Variants in ATP2C2 observed in about 807,000 individuals in gnomAD.
ATP2C2 encodes calcium-transporting ATPase type 2C member 2.
A neutral mutation model predicts 110.8 loss-of-function variants in ATP2C2; 171 were observed. The ratio of observed to expected loss-of-function variants is 1.54; its 90% CI spans 1.36 to 1.75. ATP2C2 has a LOEUF of 1.75. Ranked by LOEUF, ATP2C2 falls within the 40% of genes most tolerant of loss-of-function variation. ATP2C2 has a pLI of 0.00. For missense variants in ATP2C2, 1,963 were observed against 1,235.0 expected (o/e 1.59, Z -8.84); for synonymous variants, 804 against 508.4 (o/e 1.58, Z -7.82).
intron 23 of ATP2C2, chr16:84,460,349 G>A (rs77444095): frequency 1.4e-4 from 44 of 322,258 alleles, no homozygotes; most frequent in African/African-American, 6.4e-4. Flanking sequence ...CGCAACGTTG[G>A]GGGGGGTCCC....
At chr16:84,410,889 G>A (rs1906224579) in intron 6 of ATP2C2, 124 bp downstream of exon 6, 1 of 977,784 alleles carries the variant, frequency 1.0e-6, no homozygotes, top group African/African-American at 1.6e-5. Context: ...ACATCTCACT[G>A]GGAGTTCTAA....
intron 16 of ATP2C2, among the ~76,000 whole-genome samples, chr16:84,447,474 G>A (rs1418833210): frequency 6.6e-5 from 10 of 151,726 alleles, no homozygotes; most frequent in Non-Finnish European, 1.5e-5. Flanking sequence ...AGTCTGGGAT[G>A]GAGCATTGCA....
At chr16:84,443,422 G>A (rs1400876528) in intron 15 of ATP2C2, among the ~76,000 whole-genome samples, 1 of 152,104 alleles carries the variant, frequency 6.6e-6, no homozygotes, top group African/African-American at 2.4e-5. Flanking sequence ...CTCTGACTCG[G>A]GTGTGATCAG....
intron 13 of ATP2C2, 102 bp from the exon 14 acceptor site, chr16:84,440,755 A>T: frequency 1.2e-6 from 1 of 838,578 alleles, no homozygotes; most frequent in South Asian, 1.5e-5. Context: ...CACGTTTAGG[A>T]TTGTGTCCCT....
At chr16:84,463,324 G>A (rs1025130051) in intron 26 of ATP2C2, among the ~76,000 whole-genome samples, 2 of 152,144 alleles carry the variant, frequency 1.3e-5, no homozygotes, top group South Asian at 2.1e-4. Flanking sequence ...GTAGGGAAAG[G>A]AAACTCATTC....
intron 23 of ATP2C2, 146 bp from the exon 24 acceptor site, chr16:84,460,508 C>G (rs765291691): frequency 5.5e-6 from 6 of 1,085,132 alleles, no homozygotes; most frequent in Admixed American, 1.7e-5. Context: ...CCGAGGAGGG[C>G]AGGTGCGATG....
At chr16:84,434,145 C>T (rs923675992) in intron 11 of ATP2C2, among the ~76,000 whole-genome samples, 4 of 151,964 alleles carry the variant, frequency 2.6e-5, no homozygotes, top group East Asian at 3.9e-4. Flanking sequence ...GGGTCGGGCA[C>T]GGTGGCTCAT....
intron 6 of ATP2C2, 89 bp downstream of exon 6, chr16:84,410,854 C>G: frequency 1.5e-6 from 2 of 1,331,768 alleles, no homozygotes; most frequent in Non-Finnish European, 2.1e-6. Context: ...AAGTTGTATC[C>G]TTGGTAGTGT....
At chr16:84,401,579 A>T (rs927970744) in intron 2 of ATP2C2, among the ~76,000 whole-genome samples, 2 of 152,110 alleles carry the variant, frequency 1.3e-5, no homozygotes, top group Non-Finnish European at 2.9e-5. Context: ...CCATTTATTA[A>T]AGAGATTGCC....
At chr16:84,439,595 C>T (rs1909062294) in intron 13 of ATP2C2, 71 bp downstream of exon 13, 5 of 1,338,822 alleles carry the variant, frequency 3.7e-6, no homozygotes, top group Admixed American at 1.7e-5. Flanking sequence ...AAACTAAGCA[C>T]ACAATGTCTT....
At chr16:84,431,387 CAGGG>C (rs1337521182) in intron 11 of ATP2C2, among the ~76,000 whole-genome samples, 2 of 152,082 alleles carry the variant, frequency 1.3e-5, no homozygotes, top group Non-Finnish European at 2.9e-5. Flanking sequence ...CCCAGCTACT[CAGGG>C]AGGCTGAGGC....
chr16:84,452,999 C>T lies in ATP2C2; in HGVS notation c.1832-139C>T, dbSNP rs1252001714. 15 of 800,482 alleles carry T rather than the reference C, an allele frequency of 1.9e-5. 1 individual carries two copies. The highest frequency in any genetic ancestry group is 1.1e-4 in the South Asian group (6 of 56,596). 49.6% of individuals were successfully genotyped at this position (800,482 alleles called of 1,614,324 possible). On this transcript the variant is annotated intron_variant, in intron 18 of 26. Transcript: ENST00000262429. ...TTAATCCTGTGGATAGAACCGAGGCCGTGCAGCATGGTAGGTCCTCAGTAA... is the reference window on the plus strand; with the variant it reads ...TTAATCCTGTGGATAGAACCGAGGCTGTGCAGCATGGTAGGTCCTCAGTAA...
chr16:84,389,125 T>C (rs1004446278), intron 1 of ATP2C2, among the ~76,000 whole-genome samples: 1 of 152,178 alleles, frequency 6.6e-6, no homozygotes, highest in Non-Finnish European at 1.5e-5. Flanking sequence ...TCTCTGCCTC[T>C]TCTCTTTCTC....
intron 6 of ATP2C2, among the ~76,000 whole-genome samples, chr16:84,412,042 C>A (rs1906358160): frequency 6.7e-6 from 1 of 149,100 alleles, no homozygotes; most frequent in African/African-American, 2.5e-5. Context: ...CAGGGTCTGG[C>A]TCTGTTGCCT....
intron 10 of ATP2C2, 25 bp downstream of exon 10, chr16:84,423,288 G>T: frequency 6.2e-7 from 1 of 1,604,316 alleles, no homozygotes; most frequent in Non-Finnish European, 8.5e-7. Context: ...TTCCATACTG[G>T]GTTTGTTCTG....
chr16:84,402,281 C>G (rs1905375649), intron 2 of ATP2C2, among the ~76,000 whole-genome samples: 1 of 152,176 alleles, frequency 6.6e-6, no homozygotes, highest in African/African-American at 2.4e-5. Flanking sequence ...AATAATTTGA[C>G]TTCTTCCTTT....
intron 2 of ATP2C2, among the ~76,000 whole-genome samples, chr16:84,403,671 G>T (rs758775155): frequency 6.6e-6 from 1 of 151,830 alleles, no homozygotes; most frequent in Admixed American, 6.6e-5. Flanking sequence ...CACAACCATC[G>T]CCATTCTCTA....
chr16:84,408,381 C>G, intron 3 of ATP2C2, 24 bp from the exon 4 acceptor site: 1 of 1,607,058 alleles, frequency 6.2e-7, no homozygotes, highest in Non-Finnish European at 8.5e-7. Context: ...AAGAACGTGC[C>G]CCACCCTGTT....
intron 17 of ATP2C2, among the ~76,000 whole-genome samples, chr16:84,450,156 T>TAC (rs1910128588): frequency 6.6e-6 from 1 of 152,250 alleles, no homozygotes; most frequent in Admixed American, 6.5e-5. Flanking sequence ...TCCCCCAGTG[T>TAC]ACACGCAGGT....
Sources: allele counts gnomAD v4.1 joint callset (sites outside exome capture counted in the v4.1 genomes callset), GRCh38; gene constraint gnomAD v4.1.1; transcripts MANE v1.5; gene names NCBI Gene and HGNC (gene_info 2026-07-23, HGNC 2026-07-21).